The following GREB1L variants were observed in gnomAD, a reference collection of about 807,000 sequenced individuals.
GREB1L encodes the protein GREB1 like retinoic acid receptor coactivator, also known as GREB1-like protein.
A neutral mutation model predicts 200.8 loss-of-function variants in GREB1L; 17 were observed. The ratio of observed to expected loss-of-function variants is 0.08; its 90% CI spans 0.06 to 0.13. The LOEUF (loss-of-function observed/expected upper bound fraction) is 0.13, where lower values mean the gene tolerates loss of function less well. Among genes scored for constraint, GREB1L ranks in the 10% least tolerant of loss-of-function variants. The pLI, the probability that GREB1L is intolerant of heterozygous loss-of-function variation, is 1.00. For synonymous variants in GREB1L, 789 were observed against 893.0 expected, an observed-to-expected ratio of 0.88 and a Z score of 2.08; for missense variants, 1,657 against 2,367.7, an observed-to-expected ratio of 0.70 and a Z score of 6.23.
intron 27 of GREB1L, among the ~76,000 whole-genome samples, chr18:21,512,524 T>A (rs2037278197): frequency 6.6e-6 from 1 of 152,238 alleles, no homozygotes; most frequent in Non-Finnish European, 1.5e-5. Flanking sequence ...TGCATCTGCA[T>A]CTTTGCTGGA....
At chr18:21,458,596 A>G (rs2034888270) in intron 15 of GREB1L, among the ~76,000 whole-genome samples, 1 of 152,234 alleles carries the variant, frequency 6.6e-6, no homozygotes, top group African/African-American at 2.4e-5. Flanking sequence ...TTGCAGATCC[A>G]GCACTAAAGT....
chr18:21,353,789 C>T (rs1216670766), intron 1 of GREB1L, among the ~76,000 whole-genome samples: 1 of 151,802 alleles, frequency 6.6e-6, no homozygotes, highest in East Asian at 1.9e-4. Context: ...CATATAAGTT[C>T]TTTCTTTTCT....
intron 17 of GREB1L, among the ~76,000 whole-genome samples, chr18:21,484,788 A>C (rs2036064341): frequency 6.6e-6 from 1 of 152,158 alleles, no homozygotes; most frequent in Non-Finnish European, 1.5e-5. Flanking sequence ...GCACCATTGC[A>C]CTCCAGCCTG....
At chr18:21,357,474 T>C (rs911950389) in intron 1 of GREB1L, among the ~76,000 whole-genome samples, 1 of 152,258 alleles carries the variant, frequency 6.6e-6, no homozygotes, top group Non-Finnish European at 1.5e-5. Context: ...GTGCAGAAGC[T>C]GTTTAATTTG....
intron 2 of GREB1L, 135 bp from the exon 3 acceptor site, chr18:21,383,375 T>C (rs2040401966): frequency 1.1e-5 from 7 of 654,270 alleles, no homozygotes; most frequent in Admixed American, 7.7e-5. Flanking sequence ...TCTTAAGATC[T>C]CTGGGTAGTT....
intron 1 of GREB1L, among the ~76,000 whole-genome samples, chr18:21,345,327 A>C (rs543127353): frequency 2.6e-5 from 4 of 152,220 alleles, no homozygotes; most frequent in Non-Finnish European, 5.9e-5. Context: ...GTTTGCCTGA[A>C]AAAAGAACTA....
chr18:21,322,653 T>C lies in GREB1L; in HGVS notation c.-119-43374T>C, dbSNP rs150156275. 2.0e-4 allele frequency among the ~76,000 whole-genome samples: 31 copies of C among 152,246 alleles called. 2 individuals carry two copies. In the East Asian group the frequency reaches 5.8e-3, roughly 28 times the overall value. On this transcript the variant is annotated intron_variant, in intron 1 of 32. Transcript: ENST00000424526. ...AGTAGTGTATAGAGAGTAATCCCTATCAGATGTTAAAACGTATCTAAAGCT... is the reference window on the plus strand; with the variant it reads ...AGTAGTGTATAGAGAGTAATCCCTACCAGATGTTAAAACGTATCTAAAGCT...
At chr18:21,428,050 C>T (rs2032754668) in intron 7 of GREB1L, among the ~76,000 whole-genome samples, 1 of 150,446 alleles carries the variant, frequency 6.6e-6, no homozygotes, top group South Asian at 2.1e-4. Context: ...ATTAGCCGGG[C>T]GCGGTGGCGG....
At chr18:21,452,021 G>A in intron 13 of GREB1L, 62 bp from the exon 14 acceptor site, 1 of 1,499,404 alleles carries the variant, frequency 6.7e-7, no homozygotes. Context: ...AACTTGGGCA[G>A]TTAATAAAAA....
chr18:21,400,854 C>T (rs188675793), intron 5 of GREB1L, among the ~76,000 whole-genome samples: 58 of 152,308 alleles, frequency 3.8e-4, no homozygotes, highest in Admixed American at 3.6e-3. Flanking sequence ...ATTATGTGCT[C>T]TATTTCCTTA....
At position 21,278,126 on chromosome 18, in the gene GREB1L, T is replaced by G. The variant is rs550636770; in HGVS notation, c.-120+35733T>G. 2.0e-3 allele frequency among the ~76,000 whole-genome samples: 309 copies of G among 152,246 alleles called. 3 individuals are homozygous for G. Among genetic ancestry groups the G allele is most frequent in the Middle Eastern group, 6.8e-3 (2 of 294 alleles). ...TGGGCACAGTGGCTTATGCCTGTAGTCCCAGCACTTTGGGAGGCCGAGGCG... is the reference window on the plus strand; with the variant it reads ...TGGGCACAGTGGCTTATGCCTGTAGGCCCAGCACTTTGGGAGGCCGAGGCG... On this transcript the variant is annotated intron_variant, in intron 1 of 32. Coordinates refer to ENST00000424526, the MANE Select transcript of GREB1L (RefSeq NM_001142966.3).
chr18:21,457,986 G>A (rs1242659311), intron 15 of GREB1L, among the ~76,000 whole-genome samples: 4 of 40,726 alleles, frequency 9.8e-5, no homozygotes, highest in African/African-American at 3.5e-4. Context: ...TTTTTTTTTT[G>A]AGGCCGAGTT....
At chr18:21,370,575 CTG>C (rs1567956430) in intron 2 of GREB1L, among the ~76,000 whole-genome samples, 1 of 152,096 alleles carries the variant, frequency 6.6e-6, no homozygotes, top group Non-Finnish European at 1.5e-5. Context: ...AGTTTTATCA[CTG>C]TAAGGGACAG....
intron 1 of GREB1L, among the ~76,000 whole-genome samples, chr18:21,348,397 A>G (rs2039384379): frequency 6.6e-6 from 1 of 151,994 alleles, no homozygotes; most frequent in Non-Finnish European, 1.5e-5. Context: ...CCAGCACTCT[A>G]GGAGGTTTAG....
rs111906534 is a variant in GREB1L, at chr18:21,399,453, T to TTGGATGGATGGATGGA, written c.533-1671_533-1656dup. The stretch of plus-strand genomic sequence containing the variant: ...GTTGGATGGTTGGATGGATGGATGG[T>TTGGATGGATGGATGGA]TGGATGGATGGATGGATGGATGGAT... On this transcript the variant is annotated intron_variant, in intron 5 of 32. Coordinates refer to ENST00000424526, the MANE Select transcript of GREB1L (RefSeq NM_001142966.3). 1.2e-3 allele frequency among the ~76,000 whole-genome samples: 179 copies of TTGGATGGATGGATGGA among 146,196 alleles called. 1 individual carries two copies. The highest frequency in any genetic ancestry group is 5.3e-3 in the East Asian group (26 of 4,874).
chr18:21,249,743 C>A (rs1347097555), intron 1 of GREB1L, among the ~76,000 whole-genome samples: 1 of 151,868 alleles, frequency 6.6e-6, no homozygotes. Flanking sequence ...GCCTGTAATC[C>A]CAGCTACTTG....
intron 21 of GREB1L, 86 bp from the exon 22 acceptor site, chr18:21,499,643 C>T: frequency 1.1e-6 from 1 of 934,568 alleles, no homozygotes; most frequent in South Asian, 1.6e-5. Flanking sequence ...GCCCAGTGTC[C>T]ACTGCTTTCC....
At chr18:21,456,303 T>C (rs1413775680) in intron 15 of GREB1L, among the ~76,000 whole-genome samples, 1 of 152,178 alleles carries the variant, frequency 6.6e-6, no homozygotes, top group African/African-American at 2.4e-5. Flanking sequence ...TGATTGTACT[T>C]TTAAAAATAA....
intron 1 of GREB1L, among the ~76,000 whole-genome samples, chr18:21,279,096 G>A (rs1399614397): frequency 6.6e-6 from 1 of 151,984 alleles, no homozygotes. Flanking sequence ...TTCTAAAAAT[G>A]CAGTTTGTCT....
Sources: allele counts gnomAD v4.1 joint callset (sites outside exome capture counted in the v4.1 genomes callset), GRCh38; gene constraint gnomAD v4.1.1; transcripts MANE v1.5; gene names NCBI Gene and HGNC (gene_info 2026-07-23, HGNC 2026-07-21).